PTPN14: variants seen among roughly 807,000 people sequenced by gnomAD.
PTPN14 encodes the protein tyrosine-protein phosphatase non-receptor type 14.
In PTPN14, 53 loss-of-function variants were observed where a neutral mutation model predicts 126.8. The observed-to-expected ratio is 0.42, with a 90% CI of 0.34 to 0.53. The LOEUF (loss-of-function observed/expected upper bound fraction) is 0.53. Among genes scored for constraint, PTPN14 ranks in the 20% least tolerant of loss-of-function variants. The pLI is 0.08. For missense variants in PTPN14, 1,257 were observed against 1,552.9 expected, an observed-to-expected ratio of 0.81 and a Z score of 3.20; for synonymous variants, 630 against 599.3, an observed-to-expected ratio of 1.05 and a Z score of -0.75.
chr1:214,470,703 G>A (rs572129549), intron 1 of PTPN14, among the ~76,000 whole-genome samples: 52 of 145,298 alleles, frequency 3.6e-4, no homozygotes, highest in African/African-American at 1.3e-3. Flanking sequence ...AGAGTCACTT[G>A]AACTCAGGAA....
chr1:214,471,443 T>C (rs1274137610), intron 1 of PTPN14, among the ~76,000 whole-genome samples: 1 of 152,122 alleles, frequency 6.6e-6, no homozygotes, highest in Non-Finnish European at 1.5e-5. Flanking sequence ...ACCCTACCTA[T>C]TTGTGAGAAG....
At chr1:214,519,385 C>A (rs1465602746) in intron 1 of PTPN14, among the ~76,000 whole-genome samples, 3 of 152,156 alleles carry the variant, frequency 2.0e-5, no homozygotes, top group South Asian at 2.1e-4. Context: ...TGTTCCCCCA[C>A]CCCCATCTCC....
At chr1:214,521,812 A>C (rs113179500) in intron 1 of PTPN14, among the ~76,000 whole-genome samples, 2,169 of 152,246 alleles carry the variant, frequency 0.014, 56 homozygotes, top group African/African-American at 0.049. Flanking sequence ...AGTTAGGAAA[A>C]GTATGGGCAG....
intron 10 of PTPN14, among the ~76,000 whole-genome samples, chr1:214,391,615 T>C (rs1658753382): frequency 6.6e-6 from 1 of 151,662 alleles, no homozygotes; most frequent in African/African-American, 2.4e-5. Context: ...TTGGAAGTAT[T>C]AGCAAATTCT....
chr1:214,459,149 C>CTTCTT (rs1660451196), intron 2 of PTPN14, among the ~76,000 whole-genome samples: 1 of 135,810 alleles, frequency 7.4e-6, no homozygotes, highest in Non-Finnish European at 1.5e-5. Context: ...CTCTTTTCTT[C>CTTCTT]TTTTTTTTTT....
intron 3 of PTPN14, among the ~76,000 whole-genome samples, chr1:214,416,670 G>A (rs1441252090): frequency 6.6e-6 from 1 of 152,166 alleles, no homozygotes; most frequent in East Asian, 1.9e-4. Flanking sequence ...CAAACTAGGA[G>A]AGAATCTAAA....
At position 214,520,506 on chromosome 1, in the gene PTPN14, C is replaced by T. The variant is rs1033057893; in HGVS notation, c.-155+30677G>A. Among the ~76,000 whole-genome samples, 3 of 152,232 alleles carry T rather than the reference C, an allele frequency of 2.0e-5. No individual in the cohort carries two copies. The East Asian group carries it at 5.8e-4, about 29-fold the overall frequency. On this transcript the variant is annotated intron_variant, in intron 1 of 18. Transcript: ENST00000366956. ...TTTTCAGCAAAACAGAATTTAAATA[C>T]TTCAGGATGCCTGGAATCTAAAAGA...
At chr1:214,358,136 A>G in intron 18 of PTPN14, 86 bp from the exon 19 acceptor site, 1 of 1,503,532 alleles carries the variant, frequency 6.7e-7, no homozygotes, top group East Asian at 2.3e-5. Context: ...GGAAGCACTC[A>G]CCCACTGCCC....
chr1:214,369,313 G>T, intron 17 of PTPN14, 144 bp downstream of exon 17: 1 of 724,404 alleles, frequency 1.4e-6, no homozygotes, highest in Non-Finnish European at 2.3e-6. Context: ...TACATAGTAA[G>T]AAAGGAATAT....
chr1:214,507,611 C>A (rs952214767), intron 1 of PTPN14, among the ~76,000 whole-genome samples: 1 of 152,146 alleles, frequency 6.6e-6, no homozygotes, highest in African/African-American at 2.4e-5. Flanking sequence ...ACTGTTTGCA[C>A]CAAACTGATG....
rs772437258 is a variant in PTPN14, at chr1:214,451,811, G to A, written c.338C>T (p.Ala113Val). 18 of 1,613,836 alleles carry A rather than the reference G, an allele frequency of 1.1e-5. No individual in the cohort carries two copies. The highest frequency in any genetic ancestry group is 1.5e-5 in the Non-Finnish European group (18 of 1,179,958). Residue 113 changes from alanine to valine, a missense_variant, in exon 3 of 19, where the codon GCC (alanine) becomes GTC (valine). Transcript: ENST00000366956. ...VPNVSWLQQE[A>V]TRYQYYLQVK... ...AGGGGGAAAATGCACCTACCTTGTG[G>A]CCTCTTGCTGAAGCCATGACACATT... is the stretch of plus-strand genomic sequence containing the variant.
chr1:214,542,339 T>C (rs1558148618), intron 1 of PTPN14, among the ~76,000 whole-genome samples: 2 of 152,172 alleles, frequency 1.3e-5, no homozygotes, highest in Non-Finnish European at 2.9e-5. Flanking sequence ...GGGAGACTGG[T>C]GCCCGCACCA....
rs74982807 is a variant in PTPN14, at chr1:214,395,444, C to T, written c.759-458G>A. Among the ~76,000 whole-genome samples the T allele has an allele frequency of 9.1e-3, 1,381 of 152,128 alleles. 14 individuals are homozygous for T. Among genetic ancestry groups the T allele is most frequent in the African/African-American group, 0.031 (1,288 of 41,482 alleles). On this transcript the variant is annotated intron_variant, in intron 8 of 18. Transcript: ENST00000366956. ...GATTCATGATGCCACTAAGAAAAAACGCCTGTTGAAGCAGGAATGACAAGA... is the reference window on the plus strand; with the variant it reads ...GATTCATGATGCCACTAAGAAAAAATGCCTGTTGAAGCAGGAATGACAAGA...
intron 3 of PTPN14, among the ~76,000 whole-genome samples, chr1:214,415,351 G>A (rs17022867): frequency 0.012 from 1,858 of 152,278 alleles, 48 homozygotes; most frequent in African/African-American, 0.042. Flanking sequence ...GCCCTCAGGA[G>A]CTAATACAGT....
intron 10 of PTPN14, among the ~76,000 whole-genome samples, chr1:214,393,093 A>G (rs944331538): frequency 2.6e-5 from 4 of 152,218 alleles, no homozygotes; most frequent in Non-Finnish European, 4.4e-5. Flanking sequence ...GTCAGGCCGC[A>G]TTTAAGTGCC....
chr1:214,365,744 C>A (rs952790662), intron 17 of PTPN14, among the ~76,000 whole-genome samples: 1 of 152,078 alleles, frequency 6.6e-6, no homozygotes. Flanking sequence ...AAGTGCTTTA[C>A]CAAAAAACCA....
chr1:214,365,847 G>A (rs1361989873), intron 17 of PTPN14, among the ~76,000 whole-genome samples: 1 of 152,108 alleles, frequency 6.6e-6, no homozygotes, highest in Non-Finnish European at 1.5e-5. Context: ...TAGTAGTAAT[G>A]TACAATGAGA....
chr1:214,423,396 C>T (rs1308805415), intron 3 of PTPN14, among the ~76,000 whole-genome samples: 1 of 152,174 alleles, frequency 6.6e-6, no homozygotes, highest in Non-Finnish European at 1.5e-5. Context: ...TATGGCTAGG[C>T]ACACTTCCGG....
chr1:214,532,312 T>C, intron 1 of PTPN14: 1 of 504,230 alleles, frequency 2.0e-6, no homozygotes, highest in Non-Finnish European at 3.7e-6. Context: ...GGCTCTGGTT[T>C]CCAGATCTCC....
Sources: gnomAD v4.1 joint callset for allele counts (sites outside exome capture counted in the v4.1 genomes callset) on GRCh38, gnomAD v4.1.1 for gene constraint, MANE v1.5 for transcripts, NCBI Gene and HGNC (gene_info 2026-07-23, HGNC 2026-07-21) for gene names.